The following ADAMTS17 variants were observed in gnomAD, a reference collection of about 807,000 sequenced individuals.
ADAMTS17 encodes ADAM metallopeptidase with thrombospondin type 1 motif 17.
Under a neutral mutation model 141.5 loss-of-function variants are expected in ADAMTS17, and 113 were observed. That is an observed-to-expected ratio of 0.80 (90% confidence interval 0.69 to 0.93). The LOEUF (loss-of-function observed/expected upper bound fraction) is 0.93. ADAMTS17 is among the 40% of genes least tolerant of loss of function. The probability of loss-of-function intolerance (pLI) is 0.00; values close to 1 mark genes in which losing one functional copy is unlikely to be tolerated. For missense variants in ADAMTS17, 1,659 were observed against 1,517.9 expected (o/e 1.09, Z -1.54); for synonymous variants, 768 against 630.6 (o/e 1.22, Z -3.27).
At chr15:100,107,598 T>C (rs1222902389) in intron 14 of ADAMTS17, among the ~76,000 whole-genome samples, 1 of 152,000 alleles carries the variant, frequency 6.6e-6, no homozygotes, top group Admixed American at 6.6e-5. Context: ...GAGGTGGATG[T>C]TTTGCGAGGT....
At chr15:100,137,530 G>A (rs1008005476) in intron 10 of ADAMTS17, among the ~76,000 whole-genome samples, 6 of 152,160 alleles carry the variant, frequency 3.9e-5, no homozygotes, top group African/African-American at 1.4e-4. Flanking sequence ...ACCCTAAAGA[G>A]AAGGGTGACT....
chr15:100,330,915 G>A lies in ADAMTS17; in HGVS notation c.590C>T (p.Pro197Leu), dbSNP rs764391097. 229 of 1,614,040 alleles carry A rather than the reference G, an allele frequency of 1.4e-4. No individual in the cohort carries two copies. The highest frequency in any genetic ancestry group is 1.9e-4 in the Non-Finnish European group (219 of 1,180,036). Residue 197 changes from proline (P) to leucine (L), a missense_variant, in exon 3 of 22, where the codon CCT (proline) becomes CTT (leucine). Transcript: ENST00000268070. Reference sequence around the variant, plus strand: ...TGTTAGAACCTTGCAGAGCTGCTCAGGTCTCTGGGCCTCAGCAGAAGGGCT... The same window carrying A: ...TGTTAGAACCTTGCAGAGCTGCTCAAGTCTCTGGGCCTCAGCAGAAGGGCT... ...TPSPSAEAQRPEQLCKVLTEK... is the reference protein window; with the variant it reads ...TPSPSAEAQRLEQLCKVLTEK...
intron 7 of ADAMTS17, among the ~76,000 whole-genome samples, chr15:100,234,037 T>C (rs1169036159): frequency 1.3e-5 from 2 of 152,036 alleles, no homozygotes; most frequent in East Asian, 1.9e-4. Flanking sequence ...CTGCCTGTCA[T>C]GTAAGAAAAA....
At chr15:100,295,250 CTT>C (rs1282163556) in intron 3 of ADAMTS17, among the ~76,000 whole-genome samples, 1 of 152,206 alleles carries the variant, frequency 6.6e-6, no homozygotes, top group Non-Finnish European at 1.5e-5. Context: ...CATTCTGCCT[CTT>C]GTCTCCCAGC....
chr15:100,295,067 G>T (rs950688074), intron 3 of ADAMTS17, among the ~76,000 whole-genome samples: 2 of 152,116 alleles, frequency 1.3e-5, no homozygotes, highest in Non-Finnish European at 2.9e-5. Flanking sequence ...ATGAAAAATA[G>T]TAAGACATGT....
At chr15:100,013,904 G>A (rs1209370657) in intron 18 of ADAMTS17, among the ~76,000 whole-genome samples, 2 of 152,218 alleles carry the variant, frequency 1.3e-5, no homozygotes, top group African/African-American at 4.8e-5. Flanking sequence ...TTCATAGAAT[G>A]AATGAGGGAG....
In ADAMTS17 at chr15:100,261,495, C is replaced by A. The variant is rs1032949867; in HGVS notation, c.1015G>T (p.Ala339Ser). ...GKDDPPLVDA[A>S]VFVTRTDFCV... ...CCATCTTACCTGGTCACAAACACGG[C>A]AGCATCCACCAGGGGCGGGTCGTCC... Residue 339 changes from alanine (A) to serine (S), a missense_variant, in exon 6 of 22, where the codon GCC becomes TCC. Coordinates refer to ENST00000268070, the MANE Select transcript of ADAMTS17 (RefSeq NM_139057.4). 2 of 1,614,138 alleles carry A rather than the reference C, an allele frequency of 1.2e-6. No individual in the cohort carries two copies. The highest frequency in any genetic ancestry group is 1.7e-6 in the Non-Finnish European group (2 of 1,180,042).
At chr15:100,109,764 G>A (rs1228700568) in intron 13 of ADAMTS17, among the ~76,000 whole-genome samples, 1 of 152,108 alleles carries the variant, frequency 6.6e-6, no homozygotes, top group Non-Finnish European at 1.5e-5. Context: ...TGACCTCCCA[G>A]AACGCGCCCA....
rs2038181810 is a variant in ADAMTS17 at position 100,133,767 on chromosome 15, G to A, written c.1474-452C>T. On this transcript the variant is annotated intron_variant, in intron 10 of 21. Coordinates refer to ENST00000268070, the MANE Select transcript of ADAMTS17 (RefSeq NM_139057.4). ...GCAACTCTGAAGTCAAGGCCAGATG[G>A]GTAGGCAACCACTGTGAGGCCAAGA... is the stretch of plus-strand genomic sequence containing the variant. Among the ~76,000 whole-genome samples the A allele has an allele frequency of 1.3e-5, 2 of 152,290 alleles. 1 individual carries two copies. Among genetic ancestry groups the A allele is most frequent in the South Asian group, 4.1e-4 (2 of 4,822 alleles).
At chr15:100,108,832 G>C (rs1261053266) in intron 14 of ADAMTS17, among the ~76,000 whole-genome samples, 157 bp downstream of exon 14, 2 of 152,152 alleles carry the variant, frequency 1.3e-5, no homozygotes, top group Admixed American at 6.5e-5. Flanking sequence ...GGTGCACCAG[G>C]CAACACTGGC....
intron 15 of ADAMTS17, among the ~76,000 whole-genome samples, chr15:100,065,646 A>T (rs1596331994): frequency 6.6e-6 from 1 of 152,214 alleles, no homozygotes; most frequent in African/African-American, 2.4e-5. Flanking sequence ...TTTCCCACCG[A>T]AAAAGATTGT....
chr15:100,201,815 G>A (rs577519057), intron 7 of ADAMTS17, among the ~76,000 whole-genome samples: 2 of 152,262 alleles, frequency 1.3e-5, no homozygotes, highest in East Asian at 3.9e-4. Flanking sequence ...GTGCCTTCAA[G>A]GTCATTATTC....
At chr15:100,300,170 G>C (rs77985401) in intron 3 of ADAMTS17, among the ~76,000 whole-genome samples, 1 of 152,098 alleles carries the variant, frequency 6.6e-6, no homozygotes, top group Non-Finnish European at 1.5e-5. Context: ...TTTACAGTCA[G>C]GTGTCCTTCA....
chr15:100,127,309 A>C lies in ADAMTS17; in HGVS notation c.1721+4698T>G, dbSNP rs562617531. The stretch of plus-strand genomic sequence containing the variant: ...TAAATCCAATGACAAGCGTTCTTCC[A>C]AGGGAAGAAAAGGTGAGAGGACACA... On this transcript the variant is annotated intron_variant, in intron 12 of 21. Coordinates refer to ENST00000268070, the MANE Select transcript of ADAMTS17 (RefSeq NM_139057.4). Among the ~76,000 whole-genome samples the C allele has an allele frequency of 4.6e-5, 7 of 152,276 alleles. No homozygotes were observed. The East Asian group carries it at 5.8e-4, about 13-fold the overall frequency.
chr15:100,315,311 T>TC (rs535101663), intron 3 of ADAMTS17, among the ~76,000 whole-genome samples: 1 of 151,522 alleles, frequency 6.6e-6, no homozygotes, highest in Non-Finnish European at 1.5e-5. Flanking sequence ...CTCTTTTCTC[T>TC]CCCCCCACCC....
At position 99,997,626 on chromosome 15, in the gene ADAMTS17, G is replaced by T. The variant is rs1298849952; in HGVS notation, c.2592-37C>A. On this transcript the variant is annotated intron_variant, in intron 18 of 21. Transcript: ENST00000268070. The surrounding 1 kb of genome is among the most constrained non-coding windows in gnomAD (Gnocchi z 4.7). ...GAGGAAAGAGAGAGAGAACGACTGG[G>T]TGAGAGGCCAGCCTCTCCGGAGGGC... 2 of 1,610,886 alleles carry T rather than the reference G, an allele frequency of 1.2e-6. No individual in the cohort carries two copies. The highest frequency in any genetic ancestry group is 1.7e-5 in the Admixed American group (1 of 60,006).
chr15:99,995,493 G>A (rs1346707929), intron 19 of ADAMTS17, among the ~76,000 whole-genome samples: 1 of 152,178 alleles, frequency 6.6e-6, no homozygotes, highest in African/African-American at 2.4e-5. Context: ...GGTGCCCTTC[G>A]GTCTCTCTCT....
At chr15:100,130,316 A>T (rs2037970276) in intron 12 of ADAMTS17, among the ~76,000 whole-genome samples, 1 of 151,618 alleles carries the variant, frequency 6.6e-6, no homozygotes, top group Non-Finnish European at 1.5e-5. Flanking sequence ...GTGAGCCGAG[A>T]CTGGGCCACC....
chr15:100,099,064 A>C (rs2035939063), intron 14 of ADAMTS17, among the ~76,000 whole-genome samples: 1 of 152,204 alleles, frequency 6.6e-6, no homozygotes, highest in Non-Finnish European at 1.5e-5. Flanking sequence ...AACAGCTTCT[A>C]GATGCCCCAT....
Sources: gnomAD v4.1 joint callset for allele counts (sites outside exome capture counted in the v4.1 genomes callset) on GRCh38, gnomAD v4.1.1 for gene constraint, Gnocchi (gnomAD v3.1) non-coding constraint, MANE v1.5 for transcripts, NCBI Gene and HGNC (gene_info 2026-07-23, HGNC 2026-07-21) for gene names.